Variants in LAMA5 observed in about 807,000 individuals in gnomAD.
The protein encoded by LAMA5 is laminin subunit alpha 5, also known as laminin subunit alpha-5.
In LAMA5, 260 loss-of-function variants were observed where a neutral mutation model predicts 433.4. The ratio of observed to expected loss-of-function variants is 0.60; its 90% confidence interval spans 0.54 to 0.66. The LOEUF (loss-of-function observed/expected upper bound fraction) is 0.66, where lower values mean the gene tolerates loss of function less well. Ranked by LOEUF, LAMA5 falls within the 30% of genes least tolerant of loss-of-function variation. The pLI, the probability that LAMA5 is intolerant of heterozygous loss-of-function variation, is 0.00. For synonymous variants in LAMA5, 2,620 were observed against 2,226.6 expected (o/e 1.18, Z -4.97); for missense variants, 5,378 against 5,258.5 (o/e 1.02, Z -0.70).
intron 1 of LAMA5, 127 bp downstream of exon 1, chr20:62,366,822 C>G: frequency 2.5e-6 from 3 of 1,208,314 alleles, no homozygotes; most frequent in Non-Finnish European, 3.1e-6. Flanking sequence ...CTTGGGCCCC[C>G]AAAATGCGGA....
chr20:62,352,127 G>C (rs965065704), intron 4 of LAMA5, 48 bp from the exon 5 acceptor site: 11 of 1,596,580 alleles, frequency 6.9e-6, no homozygotes, highest in Non-Finnish European at 9.4e-6. Flanking sequence ...CCCCTGCTCA[G>C]CACTGCCCCT....
At position 62,312,322 on chromosome 20, in the gene LAMA5, G is replaced by A. The variant is rs758193996; in HGVS notation, c.9361-6C>T. On this transcript the variant is annotated splice_polypyrimidine_tract_variant and splice_region_variant and intron_variant, in intron 68 of 79. Coordinates refer to ENST00000252999, the MANE Select transcript of LAMA5 (RefSeq NM_005560.6). ...AAAGTCATGGCGCGCCCCACCTGCG[G>A]GGAGGCCATCCCTGAGTGCCCGCGG... is the stretch of plus-strand genomic sequence containing the variant. 25 of 1,608,044 alleles carry A rather than the reference G, an allele frequency of 1.6e-5. No individual in the cohort carries two copies. The highest frequency in any genetic ancestry group is 2.1e-5 in the Non-Finnish European group (25 of 1,179,284).
rs770635817 is a variant in LAMA5 at position 62,311,477 on chromosome 20, C to T, written c.9866G>A (p.Ser3289Asn). ...TTGCAGGGCGGGTGCACAGCCCGTGCTCACATTGACGCTGCCCAGGTTCTG... is the reference window on the plus strand; with the variant it reads ...TTGCAGGGCGGGTGCACAGCCCGTGTTCACATTGACGCTGCCCAGGTTCTG... ...LQQNLGSVNV[S>N]TGCAPALQAQ... The change falls in exon 72 of 80, where the codon AGC (serine) becomes AAC (asparagine). Residue 3289 changes from serine (S) to asparagine (N), a missense_variant. Physicochemically the swap from Ser to Asn is conservative, Grantham distance 46 (BLOSUM62 1). Coordinates refer to ENST00000252999, the MANE Select transcript of LAMA5 (RefSeq NM_005560.6). 2.5e-6 allele frequency: 4 copies of T among 1,610,150 alleles called. No homozygotes were observed. The Admixed American group carries it at 5.0e-5, about 20-fold the overall frequency.
intron 48 of LAMA5, among the ~76,000 whole-genome samples, chr20:62,321,519 A>AGTGGAGGGGTG: frequency 1.3e-4 from 1 of 7,508 alleles, no homozygotes; most frequent in Non-Finnish European, 2.7e-4. Flanking sequence ...CAGTGGAGGC[A>AGTGGAGGGGTG]GGGTCAGTGA....
intron 17 of LAMA5, 136 bp from the exon 18 acceptor site, chr20:62,336,581 G>A (rs1981670306): frequency 2.7e-6 from 3 of 1,130,024 alleles, no homozygotes; most frequent in Admixed American, 2.0e-5. Context: ...CACCTGCAGT[G>A]GGGGCAGAGG....
In LAMA5 at chr20:62,310,209, G is replaced by A; in HGVS notation, c.10703C>T (p.Pro3568Leu). 1 of 1,612,590 alleles carries A rather than the reference G, an allele frequency of 6.2e-7. No homozygotes were observed. The highest frequency in any genetic ancestry group is 8.5e-7 in the Non-Finnish European group (1 of 1,179,948). The change falls in exon 77 of 80, where the codon CCC becomes CTC. Residue 3568 changes from proline to leucine, a missense_variant. By Grantham distance (98) the Pro-to-Leu change is moderately conservative. Coordinates refer to ENST00000252999, the MANE Select transcript of LAMA5 (RefSeq NM_005560.6). ...CTCGGTCACCTGCAACTGCAAGTAGGGGGGCGTCCGGGCCTGGCCCAAGTG... is the reference window on the plus strand; with the variant it reads ...CTCGGTCACCTGCAACTGCAAGTAGAGGGGCGTCCGGGCCTGGCCCAAGTG... ...IFHLGQARTP[P>L]YLQLQVTEKQ...
chr20:62,350,616 C>T (rs769414677), intron 6 of LAMA5, among the ~76,000 whole-genome samples: 1 of 152,158 alleles, frequency 6.6e-6, no homozygotes, highest in African/African-American at 2.4e-5. Flanking sequence ...TTGGGCTGCT[C>T]GGTTGCAGGC....
rs539884526 is a variant in LAMA5, at chr20:62,366,596, G to C, written c.297+353C>G. On this transcript the variant is annotated intron_variant, in intron 1 of 79. Coordinates refer to ENST00000252999, the MANE Select transcript of LAMA5 (RefSeq NM_005560.6). ...GGCGGAGCTGCGCCCCCTCCCCACC[G>C]GCAGCAGGCGGCGGAGGCCAAGTCC... Among the ~76,000 whole-genome samples, 4 of 152,292 alleles carry C rather than the reference G, an allele frequency of 2.6e-5. No homozygotes were observed. The East Asian group carries it at 7.7e-4, about 30-fold the overall frequency.
rs1322182378 is a variant in LAMA5, at chr20:62,333,247, G to A, written c.3129-4C>T. The A allele has an allele frequency of 5.2e-6, 8 of 1,551,542 alleles. No homozygotes were observed. Among genetic ancestry groups the A allele is most frequent in the African/African-American group, 1.4e-5 (1 of 73,538 alleles). On this transcript the variant is annotated splice_region_variant and splice_polypyrimidine_tract_variant and intron_variant, in intron 25 of 79. Transcript: ENST00000252999. Reference sequence around the variant, plus strand: ...GAGGTGTGTGTAGAGGAGGCAGCTGGGGGGACACAGGCCGTGGTCAGCCCC... The same window carrying A: ...GAGGTGTGTGTAGAGGAGGCAGCTGAGGGGACACAGGCCGTGGTCAGCCCC...
intron 33 of LAMA5, 34 bp downstream of exon 33, chr20:62,329,103 AC>A: frequency 1.2e-6 from 2 of 1,611,630 alleles, no homozygotes; most frequent in Non-Finnish European, 1.7e-6. Flanking sequence ...CCAGACCCCC[AC>A]CCCGGACCCC....
At chr20:62,330,307 T>TGGGAAC (rs1375108379) in intron 31 of LAMA5, among the ~76,000 whole-genome samples, 181 bp downstream of exon 31, 33 of 152,200 alleles carry the variant, frequency 2.2e-4, no homozygotes, top group Non-Finnish European at 2.5e-4. Context: ...CAGGCTTTTC[T>TGGGAAC]GGGAACGGGA....
intron 6 of LAMA5, among the ~76,000 whole-genome samples, chr20:62,349,867 T>C (rs1195148805): frequency 5.3e-5 from 2 of 38,036 alleles, no homozygotes; most frequent in African/African-American, 2.2e-4. Context: ...GTAGTGGGGG[T>C]GATGGTTTGG....
chr20:62,334,556 A>G lies in LAMA5; in HGVS notation c.2548T>C (p.Cys850Arg). The G allele has an allele frequency of 6.5e-7, 1 of 1,548,654 alleles. No individual in the cohort carries two copies. The highest frequency in any genetic ancestry group is 8.7e-7 in the Non-Finnish European group (1 of 1,146,750). The change falls in exon 21 of 80, where the codon TGC becomes CGC. Residue 850 changes from cysteine (C) to arginine (R), a missense_variant. By Grantham distance (180) the Cys-to-Arg change is radical (BLOSUM62 -3). Coordinates refer to ENST00000252999, the MANE Select transcript of LAMA5 (RefSeq NM_005560.6). Reference sequence around the variant, plus strand: ...GTGGGGCCCTGGGTGTTGGGGCGGCACCGGCAGACGCCCGTCCTCGGTTCA... The same window carrying G: ...GTGGGGCCCTGGGTGTTGGGGCGGCGCCGGCAGACGCCCGTCCTCGGTTCA... Reference protein sequence around the residue: ...SCEPRTGVCRCRPNTQGPTCS... With the variant: ...SCEPRTGVCRRRPNTQGPTCS...
intron 16 of LAMA5, 93 bp from the exon 17 acceptor site, chr20:62,336,879 A>G: frequency 8.0e-7 from 1 of 1,256,696 alleles, no homozygotes; most frequent in Non-Finnish European, 1.1e-6. Flanking sequence ...ACGGTCCCAC[A>G]GGAGCTGAGG....
In LAMA5 at chr20:62,327,313, G is replaced by C. The variant is rs1979472941; in HGVS notation, c.5032C>G (p.Leu1678Val). Residue 1678 changes from leucine to valine, a missense_variant, in exon 38 of 80, where the codon CTG (leucine) becomes GTG (valine). Leu to Val is a conservative substitution (Grantham distance 32, BLOSUM62 1). Transcript: ENST00000252999. ...QPGTEMLRAD[L>V]RHVPEAVPEA... ...GGCACAGCCTCAGGCACGTGCCGCA[G>C]GTCTGCACGGAGCATCTCCGTCCCT... The C allele has an allele frequency of 1.3e-6, 2 of 1,599,398 alleles. No homozygotes were observed. Among genetic ancestry groups the C allele is most frequent in the African/African-American group, 2.7e-5 (2 of 74,906 alleles).
Position 62,337,656 on chromosome 20 carries a change from G to A in LAMA5, c.2098C>T (p.Pro700Ser), listed in dbSNP as rs1206955555. ...DPRSGQCSCR[P>S]RVTGLRCDTC... ...TCACACCGCAGCCCCGTCACACGGG[G>A]CCGGCAGCTGCACTGCCCACTCCGG... Residue 700 changes from proline to serine, a missense_variant, in exon 16 of 80, where the codon CCC (proline) becomes TCC (serine). Coordinates refer to ENST00000252999, the MANE Select transcript of LAMA5 (RefSeq NM_005560.6). 3.1e-6 allele frequency: 5 copies of A among 1,612,274 alleles called. No individual in the cohort carries two copies. The highest frequency in any genetic ancestry group is 4.2e-6 in the Non-Finnish European group (5 of 1,179,732).
At position 62,330,910 on chromosome 20, in the gene LAMA5, G is replaced by A; in HGVS notation, c.3685C>T (p.Pro1229Ser). Residue 1229 changes from proline to serine, a missense_variant, in exon 30 of 80, where the codon CCC becomes TCC. Pro to Ser is a moderately conservative substitution (Grantham distance 74). Transcript: ENST00000252999. ...CAGTCCCTGAGGATGATGGGCTGGG[G>A]CGGCTTTGGGAAGCGCGAGGGCAGA... The part of the protein sequence containing the change: ...ACLPSRFPKP[P>S]QPIILRDCQV... 6.5e-7 allele frequency: 1 copy of A among 1,548,778 alleles called. No homozygotes were observed. Among genetic ancestry groups the A allele is most frequent in the Non-Finnish European group, 8.7e-7 (1 of 1,146,494 alleles).
Position 62,367,294 on chromosome 20 carries a change from G to A in LAMA5, c.-49C>T. On this transcript the variant is annotated 5_prime_UTR_variant, in exon 1 of 80. Transcript: ENST00000252999. ...CCGAGCTCCAGGGACAGCGCGCGCG[G>A]CGGGAGCCCGGCGGGTCTGAAGCCA... The A allele has an allele frequency of 8.9e-7, 1 of 1,128,216 alleles. No individual in the cohort carries two copies. The highest frequency in any genetic ancestry group is 1.1e-6 in the Non-Finnish European group (1 of 921,308). The allele number at this position is 1,128,216 out of a possible 1,614,324, so 69.9% of individuals were successfully genotyped here.
At chr20:62,331,764 G>C (rs1437134791) in intron 28 of LAMA5, among the ~76,000 whole-genome samples, 1 of 152,230 alleles carries the variant, frequency 6.6e-6, no homozygotes, top group Non-Finnish European at 1.5e-5. Flanking sequence ...TTTATAGAAA[G>C]TGCCAGGCCA....
Sources: allele counts gnomAD v4.1 joint callset (sites outside exome capture counted in the v4.1 genomes callset), GRCh38; gene constraint gnomAD v4.1.1; transcripts MANE v1.5; gene names NCBI Gene and HGNC (gene_info 2026-07-23, HGNC 2026-07-21).